The following TLN2 variants were observed in gnomAD, a reference collection of about 807,000 sequenced individuals.
The protein encoded by TLN2 is talin-2.
A neutral mutation model predicts 294.7 loss-of-function variants in TLN2; 118 were observed. The ratio of observed to expected loss-of-function variants is 0.40; its 90% CI spans 0.34 to 0.47. The LOEUF (loss-of-function observed/expected upper bound fraction) is 0.47, where lower values mean the gene tolerates loss of function less well. Among genes scored for constraint, TLN2 ranks in the 20% least tolerant of loss-of-function variants. The probability of loss-of-function intolerance (pLI) is 0.84; values close to 1 mark genes in which losing one functional copy is unlikely to be tolerated. For synonymous variants in TLN2, 1,431 were observed against 1,304.5 expected (o/e 1.10, Z -2.09); for missense variants, 3,083 against 3,282.2 (o/e 0.94, Z 1.48).
Position 62,840,640 on chromosome 15 carries a change from G to A in TLN2, c.*30G>A, listed in dbSNP as rs2070566721. On this transcript the variant is annotated 3_prime_UTR_variant, in exon 59 of 59. Coordinates refer to ENST00000636159, the MANE Select transcript of TLN2 (RefSeq NM_015059.3). ...GCGAGCCCAGATGGCGAGCCCCAGG[G>A]GATGGCCCTGGCTGAACTGGACAGA... 6.2e-7 allele frequency: 1 copy of A among 1,609,128 alleles called. No homozygotes were observed. Among genetic ancestry groups the A allele is most frequent in the African/African-American group, 1.3e-5 (1 of 74,644 alleles).
At chr15:62,753,939 G>C (rs1055508305) in intron 36 of TLN2, 23 bp downstream of exon 36, 1 of 1,557,884 alleles carries the variant, frequency 6.4e-7, no homozygotes, top group Non-Finnish European at 8.7e-7. Context: ...GAGGATGTAA[G>C]ATTTCAAGCC....
intron 41 of TLN2, among the ~76,000 whole-genome samples, chr15:62,769,840 G>A (rs914682094): frequency 2.0e-5 from 3 of 152,140 alleles, no homozygotes; most frequent in Non-Finnish European, 4.4e-5. Flanking sequence ...AGTCATTACC[G>A]CACAGAATGA....
intron 13 of TLN2, 21 bp from the exon 14 acceptor site, chr15:62,694,295 C>T (rs1350270301): frequency 1.2e-6 from 2 of 1,613,412 alleles, no homozygotes; most frequent in Non-Finnish European, 1.7e-6. Context: ...ATTTTTGCAT[C>T]TTGTTTTATT....
intron 1 of TLN2, among the ~76,000 whole-genome samples, chr15:62,477,857 C>A (rs2037860050): frequency 7.4e-6 from 1 of 135,306 alleles, no homozygotes; most frequent in South Asian, 2.4e-4. Flanking sequence ...AGCAACTTGG[C>A]CCAAGGGTTG....
intron 2 of TLN2, among the ~76,000 whole-genome samples, chr15:62,600,836 A>G (rs1348259221): frequency 6.6e-6 from 1 of 152,178 alleles, no homozygotes; most frequent in Non-Finnish European, 1.5e-5. Flanking sequence ...ATTTCAGTAT[A>G]TGTGTCAAAT....
At chr15:62,764,537 G>C (rs1032040101) in intron 40 of TLN2, among the ~76,000 whole-genome samples, 2 of 152,078 alleles carry the variant, frequency 1.3e-5, no homozygotes, top group African/African-American at 4.8e-5. Context: ...AAACTGTGTG[G>C]GATGCCAGAA....
chr15:62,422,462 T>C (rs1030027859), intron 1 of TLN2, among the ~76,000 whole-genome samples: 2 of 152,202 alleles, frequency 1.3e-5, no homozygotes, highest in Admixed American at 1.3e-4. Context: ...AGTTAGTTGC[T>C]ATTAATATAA....
chr15:62,691,957 A>C (rs1262787406), intron 12 of TLN2, among the ~76,000 whole-genome samples: 1 of 152,204 alleles, frequency 6.6e-6, no homozygotes, highest in Non-Finnish European at 1.5e-5. Flanking sequence ...CACAGGTATG[A>C]GCACTGTGCC....
chr15:62,781,376 C>A, intron 44 of TLN2, 135 bp downstream of exon 44: 2 of 638,096 alleles, frequency 3.1e-6, no homozygotes, highest in Non-Finnish European at 5.4e-6. Flanking sequence ...GCTCCAGCTT[C>A]TGTCCTTTAT....
intron 12 of TLN2, among the ~76,000 whole-genome samples, chr15:62,691,067 G>T (rs2057863351): frequency 1.5e-5 from 2 of 129,792 alleles, no homozygotes; most frequent in Non-Finnish European, 3.3e-5. Flanking sequence ...AGGGGAGGGG[G>T]AGGGGTATGG....
At chr15:62,803,193 A>C (rs2066049901) in intron 50 of TLN2, among the ~76,000 whole-genome samples, 1 of 151,928 alleles carries the variant, frequency 6.6e-6, no homozygotes, top group Non-Finnish European at 1.5e-5. Context: ...GCTGCTAAGC[A>C]TATTGGAGCT....
intron 55 of TLN2, 148 bp from the exon 56 acceptor site, chr15:62,835,589 A>T: frequency 1.2e-6 from 1 of 803,996 alleles, no homozygotes; most frequent in South Asian, 1.6e-5. Context: ...CCCACGTGAG[A>T]AAGGTTGCTC....
chr15:62,753,953 A>T, intron 36 of TLN2, 37 bp downstream of exon 36: 1 of 1,514,978 alleles, frequency 6.6e-7, no homozygotes, highest in Non-Finnish European at 8.9e-7. Context: ...TCAAGCCCTT[A>T]AGCAGCTCCT....
At chr15:62,630,289 C>CAGAA (rs1331083425) in intron 3 of TLN2, among the ~76,000 whole-genome samples, 3 of 152,146 alleles carry the variant, frequency 2.0e-5, no homozygotes, top group African/African-American at 7.2e-5. Context: ...GACTAGATGA[C>CAGAA]TTCTAAGGTA....
chr15:62,701,406 T>C (rs1041574808), intron 17 of TLN2, among the ~76,000 whole-genome samples, 192 bp downstream of exon 17: 4 of 152,218 alleles, frequency 2.6e-5, no homozygotes, highest in Admixed American at 2.0e-4. Flanking sequence ...GAACATCTCA[T>C]TGCTTTTTGC....
chr15:62,560,877 G>A (rs1044279010), intron 1 of TLN2, among the ~76,000 whole-genome samples: 4 of 152,214 alleles, frequency 2.6e-5, no homozygotes, highest in Non-Finnish European at 5.9e-5. Flanking sequence ...AACTGCAACC[G>A]AGGCAGCTGG....
At chr15:62,529,802 T>C (rs1186814506) in intron 1 of TLN2, among the ~76,000 whole-genome samples, 1 of 152,228 alleles carries the variant, frequency 6.6e-6, no homozygotes, top group African/African-American at 2.4e-5. Flanking sequence ...GTTCAGGAGA[T>C]TTAAAAAATG....
At chr15:62,603,573 G>A (rs1265089461) in intron 2 of TLN2, among the ~76,000 whole-genome samples, 1 of 152,118 alleles carries the variant, frequency 6.6e-6, no homozygotes, top group Non-Finnish European at 1.5e-5. Context: ...ATTACAAATA[G>A]CTTTGTGGAG....
chr15:62,691,978 G>A (rs980497309), intron 12 of TLN2, among the ~76,000 whole-genome samples: 6 of 152,186 alleles, frequency 3.9e-5, no homozygotes, highest in Admixed American at 6.5e-5. Flanking sequence ...CAGCCCATTG[G>A]GAGACTTCTG....
Sources: gnomAD v4.1 joint callset for allele counts (sites outside exome capture counted in the v4.1 genomes callset) on GRCh38, gnomAD v4.1.1 for gene constraint, MANE v1.5 for transcripts, NCBI Gene and HGNC (gene_info 2026-07-23, HGNC 2026-07-21) for gene names.